The following TSPAN9 variants were observed in gnomAD, a reference collection of about 807,000 sequenced individuals.
The protein encoded by TSPAN9 is tetraspanin 9.
In TSPAN9, 16 loss-of-function variants were observed where a neutral mutation model predicts 31.0. The observed-to-expected ratio is 0.52, with a 90% CI of 0.35 to 0.78. The LOEUF is 0.78. Among genes scored for constraint, TSPAN9 ranks in the 30% least tolerant of loss-of-function variants. The pLI is 0.01. For missense variants in TSPAN9, 272 were observed against 312.5 expected, an observed-to-expected ratio of 0.87 and a Z score of 0.98; for synonymous variants, 145 against 121.6, an observed-to-expected ratio of 1.19 and a Z score of -1.27.
chr12:3,226,734 GTGTGTGTGTGTATATATATATA>G (rs2098387567), intron 3 of TSPAN9, among the ~76,000 whole-genome samples: 6 of 14,306 alleles, frequency 4.2e-4, no homozygotes, highest in African/African-American at 1.5e-3. Flanking sequence ...GTGTGTGTGT[GTGTGTGTGTGTATATATATATA>G]TATATATATA....
At position 3,278,602 on chromosome 12, in the gene TSPAN9, T is replaced by G; in HGVS notation, c.245T>G (p.Leu82Arg). 2.5e-6 allele frequency: 4 copies of G among 1,613,918 alleles called. No homozygotes were observed. Among genetic ancestry groups the G allele is most frequent in the Non-Finnish European group, 3.4e-6 (4 of 1,179,932 alleles). The change falls in exon 4 of 9, where the codon CTC becomes CGC. Residue 82 changes from leucine to arginine, a missense_variant. By Grantham distance (102) the Leu-to-Arg change is moderately radical (BLOSUM62 -2). Coordinates refer to ENST00000011898, the MANE Select transcript of TSPAN9 (RefSeq NM_006675.5). Reference sequence around the variant, plus strand: ...GGGGCCATCAAGGAAAACAAGTGCCTCCTCCTCAGCGTAAGTTCTGTCCAA... The same window carrying G: ...GGGGCCATCAAGGAAAACAAGTGCCGCCTCCTCAGCGTAAGTTCTGTCCAA... ...CLGAIKENKC[L>R]LLSFFIVLLV...
rs72307230 is a variant in TSPAN9, at chr12:3,118,256, G to GTT, written c.-18+34560_-18+34561dup. On this transcript the variant is annotated intron_variant, in intron 2 of 8. Coordinates refer to ENST00000011898, the MANE Select transcript of TSPAN9 (RefSeq NM_006675.5). The stretch of plus-strand genomic sequence containing the variant: ...ATTCCGCACCGCCCCTGCACCCGCC[G>GTT]TTTTTTTTTTTTTTTTTTTTTTTTG... Among the ~76,000 whole-genome samples, 25 of 31,560 alleles carry GTT rather than the reference G, an allele frequency of 7.9e-4. 5 individuals carry two copies. The South Asian group carries it at 9.3e-3, about 12-fold the overall frequency. The allele number at this position is 31,560 out of a possible 152,430, so 20.7% of individuals were successfully genotyped here. A position where few individuals can be genotyped will look rare whatever the true frequency, so the allele number is the denominator to read the frequency against.
intron 2 of TSPAN9, among the ~76,000 whole-genome samples, chr12:3,096,939 C>T (rs1037951766): frequency 1.3e-5 from 2 of 152,182 alleles, no homozygotes; most frequent in Non-Finnish European, 1.5e-5. Flanking sequence ...ACCTCGTGAT[C>T]TGCCTGCCTT....
intron 2 of TSPAN9, among the ~76,000 whole-genome samples, chr12:3,190,126 C>A (rs1423321135): frequency 1.3e-5 from 2 of 152,170 alleles, no homozygotes; most frequent in Non-Finnish European, 2.9e-5. Context: ...AGTACCAGCC[C>A]CGTAGAGGGA....
At chr12:3,256,774 C>T (rs1862355460) in intron 3 of TSPAN9, among the ~76,000 whole-genome samples, 2 of 152,158 alleles carry the variant, frequency 1.3e-5, no homozygotes, top group Non-Finnish European at 2.9e-5. Context: ...CAGGAGCCAT[C>T]ATGGAGCTGG....
intron 3 of TSPAN9, among the ~76,000 whole-genome samples, chr12:3,277,381 C>T (rs141135349): frequency 2.6e-5 from 4 of 152,314 alleles, no homozygotes; most frequent in South Asian, 2.1e-4. Flanking sequence ...TCTGAGCGCC[C>T]GTAGCGTTGA....
At chr12:3,085,502 T>C (rs11062497) in intron 2 of TSPAN9, among the ~76,000 whole-genome samples, 83,662 of 151,952 alleles carry the variant, frequency 0.55, 26,821 homozygotes, top group South Asian at 0.69. Context: ...TCCTCTCTGA[T>C]GGCTGTGGCT....
At chr12:3,080,822 G>C (rs534784047) in intron 1 of TSPAN9, among the ~76,000 whole-genome samples, 4 of 152,276 alleles carry the variant, frequency 2.6e-5, no homozygotes, top group Non-Finnish European at 4.4e-5. Context: ...TGTTTAGTGT[G>C]CTTTATTAAG....
At chr12:3,220,907 G>C (rs112405176) in intron 3 of TSPAN9, among the ~76,000 whole-genome samples, 5 of 152,152 alleles carry the variant, frequency 3.3e-5, no homozygotes, top group Non-Finnish European at 5.9e-5. Context: ...CTGTGAGGTG[G>C]TTCCTGACTC....
chr12:3,138,212 G>A (rs954552533), intron 2 of TSPAN9, among the ~76,000 whole-genome samples: 1 of 152,214 alleles, frequency 6.6e-6, no homozygotes, highest in African/African-American at 2.4e-5. Flanking sequence ...TGGGGCGGGT[G>A]TAGCTGGCAC....
intron 2 of TSPAN9, among the ~76,000 whole-genome samples, chr12:3,134,294 GTA>G (rs1243038991): frequency 6.6e-6 from 1 of 152,246 alleles, no homozygotes; most frequent in African/African-American, 2.4e-5. Context: ...GAAGATGAGA[GTA>G]TTGTGGGAAC....
At chr12:3,159,259 C>T (rs1428503607) in intron 2 of TSPAN9, among the ~76,000 whole-genome samples, 1 of 151,390 alleles carries the variant, frequency 6.6e-6, no homozygotes, top group Non-Finnish European at 1.5e-5. Flanking sequence ...CTCTGCCTCT[C>T]ACCAGCTGTG....
rs369087660 is a variant in TSPAN9 at position 3,137,552 on chromosome 12, A to G, written c.-18+53833A>G. On this transcript the variant is annotated intron_variant, in intron 2 of 8. Transcript: ENST00000011898. ...CAGATTTGGGCCCCAAGGGAGTGCTACCCCCTGGGTTGCAGTTCAAAGGCT... is the reference window on the plus strand; with the variant it reads ...CAGATTTGGGCCCCAAGGGAGTGCTGCCCCCTGGGTTGCAGTTCAAAGGCT... 1.2e-4 allele frequency among the ~76,000 whole-genome samples: 18 copies of G among 151,900 alleles called. No homozygotes were observed. The East Asian group carries it at 2.7e-3, about 23-fold the overall frequency.
At chr12:3,159,091 A>G (rs989232956) in intron 2 of TSPAN9, among the ~76,000 whole-genome samples, 1 of 151,928 alleles carries the variant, frequency 6.6e-6, no homozygotes, top group Non-Finnish European at 1.5e-5. Flanking sequence ...TTTATTGTAC[A>G]TGATCTAAGT....
chr12:3,265,743 A>G (rs1366686753), intron 3 of TSPAN9, among the ~76,000 whole-genome samples: 4 of 152,202 alleles, frequency 2.6e-5, no homozygotes, highest in Admixed American at 6.5e-5. Context: ...TGGGCTAGAA[A>G]TTTGTCGAAC....
At chr12:3,120,640 C>T (rs572331528) in intron 2 of TSPAN9, among the ~76,000 whole-genome samples, 1 of 152,338 alleles carries the variant, frequency 6.6e-6, no homozygotes, top group African/African-American at 2.4e-5. Flanking sequence ...TTCCACTAGC[C>T]CAGGTTGGGC....
chr12:3,245,871 C>T (rs374709813), intron 3 of TSPAN9, among the ~76,000 whole-genome samples: 15 of 151,896 alleles, frequency 9.9e-5, no homozygotes, highest in East Asian at 2.0e-4. Context: ...CTGCCCAGCC[C>T]GCCTTGCCTT....
At chr12:3,158,738 A>T (rs1041862849) in intron 2 of TSPAN9, among the ~76,000 whole-genome samples, 5 of 150,810 alleles carry the variant, frequency 3.3e-5, no homozygotes, top group African/African-American at 1.2e-4. Context: ...AAAAAAAAAA[A>T]AAAAAGCATA....
chr12:3,184,975 C>T (rs943003473), intron 2 of TSPAN9, among the ~76,000 whole-genome samples: 8 of 152,218 alleles, frequency 5.3e-5, no homozygotes, highest in African/African-American at 1.7e-4. Context: ...TGTTACTAAA[C>T]TCCGCTGGTT....
Sources: allele counts gnomAD v4.1 joint callset (sites outside exome capture counted in the v4.1 genomes callset), GRCh38; gene constraint gnomAD v4.1.1; transcripts MANE v1.5; gene names NCBI Gene and HGNC (gene_info 2026-07-23, HGNC 2026-07-21).